Variants in GRSF1 observed in about 807,000 individuals in gnomAD.
GRSF1 encodes G-rich sequence factor 1.
Under a neutral mutation model 51.1 loss-of-function variants are expected in GRSF1, and 50 were observed. That is an observed-to-expected ratio of 0.98 (90% CI 0.78 to 1.24). The LOEUF (loss-of-function observed/expected upper bound fraction) is 1.24. Ranked by LOEUF, GRSF1 falls within the 50% of genes most tolerant of loss-of-function variation. The pLI is 0.00. For missense variants in GRSF1, 700 were observed against 639.7 expected, an observed-to-expected ratio of 1.09 and a Z score of -1.02; for synonymous variants, 293 against 253.3, an observed-to-expected ratio of 1.16 and a Z score of -1.49.
At chr4:70,839,054 TAGC>T in intron 1 of GRSF1, 2 of 1,103,814 alleles carry the variant, frequency 1.8e-6, no homozygotes, top group South Asian at 2.7e-5. Flanking sequence ...CGCCCAGGCC[TAGC>T]GCTCGGGCTG....
At chr4:70,831,696 ATGC>A in intron 4 of GRSF1, 22 bp from the exon 5 acceptor site, 1 of 1,595,208 alleles carries the variant, frequency 6.3e-7, no homozygotes, top group Non-Finnish European at 8.5e-7. Flanking sequence ...AGAGATTTTA[ATGC>A]TACTAGCAGG....
chr4:70,815,879 A>G lies in GRSF1; in HGVS notation c.*5008T>C, dbSNP rs1733291016. On this transcript the variant is annotated 3_prime_UTR_variant, in exon 10 of 10. Coordinates refer to ENST00000254799, the MANE Select transcript of GRSF1 (RefSeq NM_002092.4). ...TGTTCACCTAACAGGTGAAACGTTA[A>G]AATGTGGCATTCATACATAGAACAC... is the stretch of plus-strand genomic sequence containing the variant. 1 of 152,206 alleles carries G rather than the reference A, an allele frequency of 6.6e-6. No homozygotes were observed. The highest frequency in any genetic ancestry group is 2.1e-4 in the South Asian group (1 of 4,830). 9.4% of individuals were successfully genotyped at this position (152,206 alleles called of 1,614,324 possible).
intron 2 of GRSF1, among the ~76,000 whole-genome samples, chr4:70,833,897 A>C (rs1251393440): frequency 2.0e-5 from 3 of 152,184 alleles, no homozygotes; most frequent in Non-Finnish European, 4.4e-5. Flanking sequence ...TTTAAAAAAA[A>C]GTTTGACCAG....
intron 5 of GRSF1, 116 bp downstream of exon 5, chr4:70,831,423 T>C: frequency 1.1e-6 from 1 of 876,618 alleles, no homozygotes; most frequent in South Asian, 1.8e-5. Flanking sequence ...GATGGCTCAC[T>C]ACACTACTCT....
intron 7 of GRSF1, 31 bp from the exon 8 acceptor site, chr4:70,825,462 A>C (rs1733699286): frequency 6.3e-7 from 1 of 1,588,642 alleles, no homozygotes; most frequent in Non-Finnish European, 8.6e-7. Context: ...GTCAAGAGGA[A>C]CATGATGGAT....
intron 1 of GRSF1, among the ~76,000 whole-genome samples, chr4:70,838,219 CAAA>C (rs35303311): frequency 0.013 from 1,222 of 94,584 alleles, 19 homozygotes; most frequent in African/African-American, 0.047. Context: ...ACTCGGTCTC[CAAA>C]AAAAAAAAAA....
At chr4:70,825,883 G>A (rs960109359) in intron 7 of GRSF1, 1 of 393,118 alleles carries the variant, frequency 2.5e-6, no homozygotes, top group Non-Finnish European at 4.6e-6. Context: ...AGTGAGCCAA[G>A]TTCACTCCAC....
chr4:70,828,773 T>C (rs1397511341), intron 5 of GRSF1, among the ~76,000 whole-genome samples: 1 of 151,574 alleles, frequency 6.6e-6, no homozygotes, highest in Admixed American at 6.6e-5. Flanking sequence ...GTTTTGCTTT[T>C]GTTGCCCAGG....
At chr4:70,838,294 T>A (rs957153076) in intron 1 of GRSF1, among the ~76,000 whole-genome samples, 2 of 151,146 alleles carry the variant, frequency 1.3e-5, no homozygotes, top group African/African-American at 2.4e-5. Flanking sequence ...ACATAGTAGA[T>A]GCTCTACAGA....
chr4:70,832,541 T>TGA, intron 3 of GRSF1, 91 bp from the exon 4 acceptor site: 3 of 694,460 alleles, frequency 4.3e-6, no homozygotes, highest in Non-Finnish European at 7.4e-6. Flanking sequence ...CTGGGTTATC[T>TGA]GAGAATTCAA....
rs1422372484 is a variant in GRSF1 at position 70,831,610 on chromosome 4, G to C, written c.879C>G (p.Ala293=). ...DYRGRRKTGE[A]YVQFEEPEMA... ...TTTCTGGTTCTTCAAATTGCACATAGGCTTCCCCTGTTTTTCGCCTCCCTC... is the reference window on the plus strand; with the variant it reads ...TTTCTGGTTCTTCAAATTGCACATACGCTTCCCCTGTTTTTCGCCTCCCTC... Residue 293 remains alanine, a synonymous_variant, in exon 5 of 10, where the codon GCC becomes GCG. Coordinates refer to ENST00000254799, the MANE Select transcript of GRSF1 (RefSeq NM_002092.4). The C allele has an allele frequency of 6.2e-7, 1 of 1,613,244 alleles. No individual in the cohort carries two copies. Among genetic ancestry groups the C allele is most frequent in the Non-Finnish European group, 8.5e-7 (1 of 1,179,456 alleles).
At chr4:70,824,019 G>A (rs531310139) in intron 9 of GRSF1, among the ~76,000 whole-genome samples, 31 of 133,550 alleles carry the variant, frequency 2.3e-4, no homozygotes, top group Non-Finnish European at 4.4e-4. Flanking sequence ...TGCCCAGGCT[G>A]GAGTGCAGTG....
chr4:70,819,419 GAACA>G lies in GRSF1; in HGVS notation c.*1464_*1467del, dbSNP rs1733424608. The G allele has an allele frequency of 6.6e-6, 1 of 152,090 alleles. No homozygotes were observed. The highest frequency in any genetic ancestry group is 1.5e-5 in the Non-Finnish European group (1 of 68,020). 9.4% of individuals were successfully genotyped at this position (152,090 alleles called of 1,614,324 possible). A position where few individuals can be genotyped will look rare whatever the true frequency, so the allele number is the denominator to read the frequency against. ...TAAGTCATGTTCACAGGATTTTAGAGAACACACACACGAAAATTAACCCTTACTA... is the reference window on the plus strand; with the variant it reads ...TAAGTCATGTTCACAGGATTTTAGAGCACACACGAAAATTAACCCTTACTA... On this transcript the variant is annotated 3_prime_UTR_variant, in exon 10 of 10. Transcript: ENST00000254799.
chr4:70,820,590 A>T lies in GRSF1; in HGVS notation c.*297T>A, dbSNP rs1443477345. 1 of 152,350 alleles carries T rather than the reference A, an allele frequency of 6.6e-6. No homozygotes were observed. The highest frequency in any genetic ancestry group is 1.5e-5 in the Non-Finnish European group (1 of 68,050). The allele number at this position is 152,350 out of a possible 1,614,324, so 9.4% of individuals were successfully genotyped here. On this transcript the variant is annotated 3_prime_UTR_variant, in exon 10 of 10. Transcript: ENST00000254799. ...CTTTACAATGAGTAACATATCATCT[A>T]TGAAAACAAACCATTTAATCATATA...
chr4:70,834,802 T>G (rs1734126146), intron 2 of GRSF1, among the ~76,000 whole-genome samples: 1 of 152,034 alleles, frequency 6.6e-6, no homozygotes, highest in South Asian at 2.1e-4. Flanking sequence ...TTTTTGTATT[T>G]TTAGGAGAGA....
chr4:70,825,233 A>G (rs1179811987), intron 8 of GRSF1, 63 bp downstream of exon 8: 8 of 1,393,138 alleles, frequency 5.7e-6, no homozygotes, highest in Non-Finnish European at 7.9e-6. Context: ...CAAAACAGAA[A>G]AAGATATTTG....
At position 70,836,155 on chromosome 4, in the gene GRSF1, T is replaced by C. The variant is rs1481454470; in HGVS notation, c.514+3A>G. ...AAATAAATAAAACATACATAAAATA[T>C]ACCTGAAAAAAAGTTAAGCACATCT... On this transcript the variant is annotated splice_donor_region_variant and intron_variant, in intron 2 of 9. Transcript: ENST00000254799. 7 of 1,487,780 alleles carry C rather than the reference T, an allele frequency of 4.7e-6. No individual in the cohort carries two copies. The South Asian group carries it at 6.7e-5, about 14-fold the overall frequency. The allele number at this position is 1,487,780 out of a possible 1,614,324, so 92.2% of individuals were successfully genotyped here.
rs1486153617 is a variant in GRSF1, at chr4:70,833,149, G to A, written c.639C>T (p.His213=). 1 of 1,613,792 alleles carries A rather than the reference G, an allele frequency of 6.2e-7. No homozygotes were observed. The highest frequency in any genetic ancestry group is 1.3e-5 in the African/African-American group (1 of 74,884). ...EQDVQKALEK[H]RMYMGQRYVE... ...CATACCGCTGGCCCATGTACATGCG[G>A]TGCTTCTCTAAGGCTTTCTGCACAT... is the stretch of plus-strand genomic sequence containing the variant. Residue 213 remains histidine, a synonymous_variant, in exon 3 of 10, where the codon CAC becomes CAT. Transcript: ENST00000254799.
chr4:70,833,001 A>G, intron 3 of GRSF1, 117 bp downstream of exon 3: 1 of 887,270 alleles, frequency 1.1e-6, no homozygotes. Flanking sequence ...ACATCCTATA[A>G]AAGAATGCAT....
Sources: allele counts gnomAD v4.1 joint callset (sites outside exome capture counted in the v4.1 genomes callset), GRCh38; gene constraint gnomAD v4.1.1; transcripts MANE v1.5; gene names NCBI Gene and HGNC (gene_info 2026-07-23, HGNC 2026-07-21).